Variants in VCL observed in about 807,000 individuals in gnomAD.
VCL encodes the protein vinculin, also known as epididymis luminal protein 114.
VCL carries 47 observed loss-of-function variants against 125.7 expected under a neutral mutation model. The ratio of observed to expected loss-of-function variants is 0.37; its 90% CI spans 0.30 to 0.48. The LOEUF (loss-of-function observed/expected upper bound fraction) is 0.48. Ranked by LOEUF, VCL falls within the 20% of genes least tolerant of loss-of-function variation. VCL has a pLI of 0.99. For synonymous variants in VCL, 458 were observed against 514.6 expected (o/e 0.89, Z 1.49); for missense variants, 1,069 against 1,455.5 (o/e 0.73, Z 4.32).
At chr10:74,087,385 G>A (rs923965532) in intron 8 of VCL, among the ~76,000 whole-genome samples, 8 of 130,802 alleles carry the variant, frequency 6.1e-5, no homozygotes, top group African/African-American at 1.5e-4. Flanking sequence ...TCGCTCTGTC[G>A]CCCAGGCTGG....
At position 74,118,084 on chromosome 10, in the gene VCL, G is replaced by C; in HGVS notation, c.3320G>C (p.Arg1107Pro). The C allele has an allele frequency of 6.2e-7, 1 of 1,614,118 alleles. No individual in the cohort carries two copies. Among genetic ancestry groups the C allele is most frequent in the Non-Finnish European group, 8.5e-7 (1 of 1,180,018 alleles). The change falls in exon 22 of 22, where the codon CGG (arginine) becomes CCG (proline). Residue 1107 changes from arginine (R) to proline (P), a missense_variant. Physicochemically the swap from Arg to Pro is moderately radical, Grantham distance 103. Coordinates refer to ENST00000211998, the MANE Select transcript of VCL (RefSeq NM_014000.3). ...ATGCAGTCTGTGAAGGAGACTGTGC[G>C]GGAAGCTGAAGCTGCTTCAATCAAA... Reference protein sequence around the residue: ...NLMQSVKETVREAEAASIKIR... With the variant: ...NLMQSVKETVPEAEAASIKIR...
At position 74,070,991 on chromosome 10, in the gene VCL, G is replaced by C; in HGVS notation, c.407G>C (p.Arg136Thr). Residue 136 changes from arginine to threonine, a missense_variant, in exon 4 of 22, where the codon AGA (arginine) becomes ACA (threonine). By Grantham distance (71) the Arg-to-Thr change is moderately conservative (BLOSUM62 -1). Coordinates refer to ENST00000211998, the MANE Select transcript of VCL (RefSeq NM_014000.3). ...TTTTTTCAGGTCCGTAAAATTATTA[G>C]AGTTTGCAAAGGAATTTTGGAATAT... ...FDEAEVRKII[R>T]VCKGILEYLT... 1 of 1,614,122 alleles carries C rather than the reference G, an allele frequency of 6.2e-7. No individual in the cohort carries two copies. The highest frequency in any genetic ancestry group is 1.1e-5 in the South Asian group (1 of 91,084).
At position 74,107,222 on chromosome 10, in the gene VCL, G is replaced by A. The variant is rs1295302809; in HGVS notation, c.2435-8G>A. ...ACCCAGCTGAAAGTGAGGATGTCTT[G>A]TGTTTAGGACTGCAAAAGAGCTTCC... On this transcript the variant is annotated splice_region_variant and splice_polypyrimidine_tract_variant and intron_variant, in intron 16 of 21. Coordinates refer to ENST00000211998, the MANE Select transcript of VCL (RefSeq NM_014000.3). 6.2e-7 allele frequency: 1 copy of A among 1,614,204 alleles called. No homozygotes were observed. Among genetic ancestry groups the A allele is most frequent in the Non-Finnish European group, 8.5e-7 (1 of 1,180,034 alleles).
chr10:74,005,842 TTTAA>T (rs1840315330), intron 1 of VCL, among the ~76,000 whole-genome samples: 1 of 152,160 alleles, frequency 6.6e-6, no homozygotes, highest in African/African-American at 2.4e-5. Flanking sequence ...ATACTGTTTT[TTTAA>T]TTTTTATTTT....
At chr10:74,061,983 A>G (rs542415318) in intron 2 of VCL, among the ~76,000 whole-genome samples, 54 of 149,332 alleles carry the variant, frequency 3.6e-4, no homozygotes, top group African/African-American at 1.3e-3. Flanking sequence ...CTGCAGCCTC[A>G]ACCTCCTGGG....
Position 74,071,241 on chromosome 10 carries a change from G to A in VCL, c.499+158G>A, listed in dbSNP as rs1383839067. Among the ~76,000 whole-genome samples, 1 of 152,184 alleles carries A rather than the reference G, an allele frequency of 6.6e-6. No homozygotes were observed. Among genetic ancestry groups the A allele is most frequent in the Non-Finnish European group, 1.5e-5 (1 of 68,030 alleles). On this transcript the variant is annotated intron_variant, in intron 4 of 21. Transcript: ENST00000211998. This position sits in a 1 kb window ranked among gnomAD's most constrained non-coding sequence, Gnocchi z 4.1. The stretch of plus-strand genomic sequence containing the variant: ...GATGGAGATGATGCTGTGCTTTGAG[G>A]TGATGTCATTATCTCTGGTATCTGA...
chr10:74,045,470 A>G (rs1322484893), intron 2 of VCL, among the ~76,000 whole-genome samples: 7 of 151,796 alleles, frequency 4.6e-5, no homozygotes, highest in Non-Finnish European at 8.8e-5. Context: ...TAACAATATA[A>G]AAATTAGCCA....
intron 21 of VCL, 43 bp from the exon 22 acceptor site, chr10:74,117,980 C>T (rs769518620): frequency 6.2e-7 from 1 of 1,612,728 alleles, no homozygotes; most frequent in African/African-American, 1.3e-5. Flanking sequence ...GACAGGCCTG[C>T]ATCAGGGACC....
At position 74,049,228 on chromosome 10, in the gene VCL, T is replaced by C. The variant is rs569511846; in HGVS notation, c.239+6075T>C. Among the ~76,000 whole-genome samples the C allele has an allele frequency of 2.8e-4, 42 of 152,336 alleles. 1 individual carries two copies. In the South Asian group the frequency reaches 8.5e-3, roughly 31 times the overall value. Reference sequence around the variant, plus strand: ...TTTTTTTTAAACTTTCATTGAAGTATAATATGCTTGTTATTATGTTTTCTT... The same window carrying C: ...TTTTTTTTAAACTTTCATTGAAGTACAATATGCTTGTTATTATGTTTTCTT... On this transcript the variant is annotated intron_variant, in intron 2 of 21. Coordinates refer to ENST00000211998, the MANE Select transcript of VCL (RefSeq NM_014000.3).
intron 11 of VCL, 89 bp from the exon 12 acceptor site, chr10:74,095,567 T>A (rs1265961576): frequency 7.1e-6 from 11 of 1,556,186 alleles, no homozygotes; most frequent in Non-Finnish European, 8.8e-6. Flanking sequence ...GCTTGGGTGA[T>A]AGAGCAAGAC....
chr10:74,009,021 C>G (rs1840367849), intron 1 of VCL, among the ~76,000 whole-genome samples: 1 of 152,132 alleles, frequency 6.6e-6, no homozygotes, highest in Non-Finnish European at 1.5e-5. Flanking sequence ...GGGGAAAATT[C>G]AAGTCTGTAA....
intron 2 of VCL, among the ~76,000 whole-genome samples, chr10:74,065,696 GA>G (rs1006058519): frequency 2.8e-5 from 4 of 140,944 alleles, no homozygotes; most frequent in East Asian, 2.0e-4. Context: ...AAAAAAAAAA[GA>G]AAAAAAAAGC....
chr10:74,004,168 TTTC>T lies in VCL; in HGVS notation c.168+5799_168+5801del, dbSNP rs550437476. Among the ~76,000 whole-genome samples, 176 of 152,350 alleles carry T rather than the reference TTTC, an allele frequency of 1.2e-3. 1 individual carries two copies. The highest frequency in any genetic ancestry group is 4.1e-3 in the African/African-American group (171 of 41,580). On this transcript the variant is annotated intron_variant, in intron 1 of 21. Coordinates refer to ENST00000211998, the MANE Select transcript of VCL (RefSeq NM_014000.3). ...TAACAGTGTTTGGGTGGGTGATTTTTTTCTTCTTAATATATTTCTGTATTTTCC... is the reference window on the plus strand; with the variant it reads ...TAACAGTGTTTGGGTGGGTGATTTTTTTCTTAATATATTTCTGTATTTTCC...
At chr10:74,105,797 C>T (rs527405474) in intron 16 of VCL, among the ~76,000 whole-genome samples, 1 of 152,000 alleles carries the variant, frequency 6.6e-6, no homozygotes, top group Admixed American at 6.6e-5. Flanking sequence ...TCAGGTGATC[C>T]ACCCGCCTTG....
Position 74,097,701 on chromosome 10 carries a change from TA to T in VCL, c.1872+372del, listed in dbSNP as rs1182192673. Among the ~76,000 whole-genome samples the T allele has an allele frequency of 6.6e-6, 1 of 152,302 alleles. No homozygotes were observed. Among genetic ancestry groups the T allele is most frequent in the Middle Eastern group, 3.4e-3 (1 of 294 alleles). On this transcript the variant is annotated intron_variant, in intron 13 of 21. Coordinates refer to ENST00000211998, the MANE Select transcript of VCL (RefSeq NM_014000.3). The surrounding 1 kb of genome is among the most constrained non-coding windows in gnomAD (Gnocchi z 4.1). Reference sequence around the variant, plus strand: ...CTCAGGGTGTGGGATGGCATCATGTTAAATGCAGGAAGAAATGAAGAATGGG... The same window carrying T: ...CTCAGGGTGTGGGATGGCATCATGTTAATGCAGGAAGAAATGAAGAATGGG...
rs1002351507 is a variant in VCL, at chr10:74,119,744, T to C, written c.*1575T>C. 2.0e-5 allele frequency: 3 copies of C among 152,620 alleles called. No homozygotes were observed. The highest frequency in any genetic ancestry group is 4.4e-5 in the Non-Finnish European group (3 of 68,040). 9.5% of individuals were successfully genotyped at this position (152,620 alleles called of 1,614,324 possible). On this transcript the variant is annotated 3_prime_UTR_variant, in exon 22 of 22. Coordinates refer to ENST00000211998, the MANE Select transcript of VCL (RefSeq NM_014000.3). ...GTCCTTTACACTCAGGCTTTCACTA[T>C]TTCCTTTATAATGAGGATGATTATT... is the stretch of plus-strand genomic sequence containing the variant.
intron 1 of VCL, among the ~76,000 whole-genome samples, chr10:74,013,385 A>G (rs529264502): frequency 6.6e-6 from 1 of 152,296 alleles, no homozygotes; most frequent in African/African-American, 2.4e-5. Context: ...GCACAGGATT[A>G]TACAGAATAT....
intron 1 of VCL, among the ~76,000 whole-genome samples, chr10:74,026,525 A>G (rs571174512): frequency 2.9e-4 from 44 of 152,328 alleles, no homozygotes; most frequent in African/African-American, 1.1e-3. Context: ...GACTTACAGC[A>G]TGTGCTAAAT....
Position 74,118,020 on chromosome 10 carries a change from C to T in VCL, c.3259-3C>T, listed in dbSNP as rs751727109. The T allele has an allele frequency of 6.2e-7, 1 of 1,614,028 alleles. No homozygotes were observed. The highest frequency in any genetic ancestry group is 8.5e-7 in the Non-Finnish European group (1 of 1,180,028). ...GTAACGGAAAGTACCTTTTTCCTTG[C>T]AGGCCACAGAGATGCTGGTTCACAA... On this transcript the variant is annotated splice_region_variant and splice_polypyrimidine_tract_variant and intron_variant, in intron 21 of 21. Transcript: ENST00000211998.
Sources: gnomAD v4.1 joint callset for allele counts (sites outside exome capture counted in the v4.1 genomes callset) on GRCh38, gnomAD v4.1.1 for gene constraint, Gnocchi (gnomAD v3.1) non-coding constraint, MANE v1.5 for transcripts, NCBI Gene and HGNC (gene_info 2026-07-23, HGNC 2026-07-21) for gene names.